The following SGPP2 variants were observed in gnomAD, a reference collection of about 807,000 sequenced individuals.
SGPP2 encodes the protein sphingosine 1-phosphate phosphohydrolase 2.
SGPP2 carries 30 observed loss-of-function variants against 33.9 expected under a neutral mutation model. The observed-to-expected ratio is 0.89, with a 90% CI of 0.66 to 1.20. The LOEUF (loss-of-function observed/expected upper bound fraction) is 1.20, where lower values mean the gene tolerates loss of function less well. Ranked by LOEUF, SGPP2 falls within the 50% of genes most tolerant of loss-of-function variation. The probability of loss-of-function intolerance (pLI) is 0.00; values close to 1 mark genes in which losing one functional copy is unlikely to be tolerated. For missense variants in SGPP2, 458 were observed against 532.1 expected, an observed-to-expected ratio of 0.86 and a Z score of 1.37; for synonymous variants, 233 against 225.0, an observed-to-expected ratio of 1.04 and a Z score of -0.32.
At chr2:222,467,483 A>AG (rs151042357) in intron 1 of SGPP2, among the ~76,000 whole-genome samples, 4,440 of 152,246 alleles carry the variant, frequency 0.029, 211 homozygotes, top group African/African-American at 0.1. Context: ...GCTGAAGCTC[A>AG]GGAGATCAAG....
At chr2:222,424,878 G>A (rs1361962302) in intron 1 of SGPP2, 57 bp downstream of exon 1, 5 of 1,245,674 alleles carry the variant, frequency 4.0e-6, no homozygotes, top group Non-Finnish European at 5.1e-6. Flanking sequence ...GGACGTGCGG[G>A]TCCCTGCGAC....
In SGPP2 at chr2:222,558,386, G is replaced by T. The variant is rs765983230; in HGVS notation, c.688G>T (p.Val230Phe). The change falls in exon 5 of 5, where the codon GTC becomes TTC. Residue 230 changes from valine to phenylalanine, a missense_variant. Transcript: ENST00000321276. ...CGTCCTGATCACCGCACTCCTCATC[G>T]TCCTCACCTACCCTGCCTGGACCTT... is the stretch of plus-strand genomic sequence containing the variant. Reference protein sequence around the residue: ...GGVLITALLIVLTYPAWTFID... With the variant: ...GGVLITALLIFLTYPAWTFID... 17 of 1,614,038 alleles carry T rather than the reference G, an allele frequency of 1.1e-5. No homozygotes were observed. Among genetic ancestry groups the T allele is most frequent in the Non-Finnish European group, 1.4e-5 (17 of 1,180,024 alleles).
Position 222,477,601 on chromosome 2 carries a change from G to T in SGPP2, c.378+2875G>T, listed in dbSNP as rs1008645671. ...TATAGGTGTGTGTATATATATGTGT[G>T]TGTGTGTGTTCTAAATCCCAAAACT... On this transcript the variant is annotated intron_variant, in intron 2 of 4. Transcript: ENST00000321276. This position sits in a 1 kb window ranked among gnomAD's most constrained non-coding sequence, Gnocchi z 6.0. Among the ~76,000 whole-genome samples, 2 of 151,948 alleles carry T rather than the reference G, an allele frequency of 1.3e-5. No homozygotes were observed. Among genetic ancestry groups the T allele is most frequent in the Admixed American group, 1.3e-4 (2 of 15,242 alleles).
At chr2:222,512,355 T>C (rs538519729) in intron 2 of SGPP2, among the ~76,000 whole-genome samples, 1 of 152,132 alleles carries the variant, frequency 6.6e-6, no homozygotes, top group African/African-American at 2.4e-5. Flanking sequence ...CACAGCAAAG[T>C]TGAGTGGAAA....
intron 4 of SGPP2, among the ~76,000 whole-genome samples, chr2:222,533,885 G>T (rs35746313): frequency 0.18 from 26,792 of 151,842 alleles, 2,828 homozygotes; most frequent in East Asian, 0.29. Flanking sequence ...ATAAGTCCGT[G>T]GCTGCATCAA....
At chr2:222,552,075 GTA>G (rs1301390241) in intron 4 of SGPP2, among the ~76,000 whole-genome samples, 5 of 152,170 alleles carry the variant, frequency 3.3e-5, no homozygotes, top group Non-Finnish European at 7.3e-5. Context: ...GTATTCCATT[GTA>G]TATATGCCAC....
At chr2:222,529,537 G>A (rs978943848) in intron 4 of SGPP2, among the ~76,000 whole-genome samples, 8 of 152,126 alleles carry the variant, frequency 5.3e-5, no homozygotes, top group Admixed American at 3.9e-4. Context: ...GTTTCACCAT[G>A]TTGGCCAGGC....
intron 1 of SGPP2, among the ~76,000 whole-genome samples, chr2:222,436,978 T>G (rs1398260113): frequency 6.6e-6 from 1 of 152,176 alleles, no homozygotes; most frequent in Non-Finnish European, 1.5e-5. Context: ...ACTGCCTCCA[T>G]GGCCACTTTG....
chr2:222,512,233 A>C (rs1357480253), intron 2 of SGPP2, among the ~76,000 whole-genome samples: 1 of 151,754 alleles, frequency 6.6e-6, no homozygotes, highest in Non-Finnish European at 1.5e-5. Flanking sequence ...GGATGGTCTC[A>C]ATCTCCTGAC....
chr2:222,461,592 G>A lies in SGPP2; in HGVS notation c.220-12976G>A, dbSNP rs963790890. On this transcript the variant is annotated intron_variant, in intron 1 of 4. Coordinates refer to ENST00000321276, the MANE Select transcript of SGPP2 (RefSeq NM_152386.4). ...GTGGGAGCCCTAAGCTTGTTTTCCT[G>A]CAACTAGATGGTCCCATCTAAGGGT... Among the ~76,000 whole-genome samples, 3 of 151,774 alleles carry A rather than the reference G, an allele frequency of 2.0e-5. No individual in the cohort carries two copies. The East Asian group carries it at 5.8e-4, about 29-fold the overall frequency.
At chr2:222,480,808 C>T (rs1336140355) in intron 2 of SGPP2, among the ~76,000 whole-genome samples, 1 of 152,140 alleles carries the variant, frequency 6.6e-6, no homozygotes, top group Non-Finnish European at 1.5e-5. Flanking sequence ...ATGGTATTTC[C>T]ATGCGTATAT....
intron 2 of SGPP2, among the ~76,000 whole-genome samples, chr2:222,511,449 A>G (rs992886412): frequency 2.0e-5 from 3 of 152,146 alleles, no homozygotes; most frequent in African/African-American, 7.2e-5. Flanking sequence ...TAAGGTGTTA[A>G]TGGTCTGTAA....
chr2:222,435,106 T>C (rs1697220675), intron 1 of SGPP2, among the ~76,000 whole-genome samples: 1 of 149,728 alleles, frequency 6.7e-6, no homozygotes, highest in South Asian at 2.1e-4. Flanking sequence ...GGAGTTTATT[T>C]AGTATTAACT....
At chr2:222,493,427 A>G (rs570366567) in intron 2 of SGPP2, among the ~76,000 whole-genome samples, 3 of 152,298 alleles carry the variant, frequency 2.0e-5, no homozygotes, top group Admixed American at 2.0e-4. Context: ...CCATGATCAA[A>G]TTACTTCCCA....
intron 1 of SGPP2, among the ~76,000 whole-genome samples, chr2:222,469,474 C>T (rs1283906566): frequency 2.6e-5 from 4 of 152,208 alleles, no homozygotes; most frequent in Admixed American, 6.5e-5. Context: ...TGAGCCATCG[C>T]GCCTGGCTGA....
At chr2:222,449,981 CTATATT>C (rs1257459601) in intron 1 of SGPP2, among the ~76,000 whole-genome samples, 2 of 152,108 alleles carry the variant, frequency 1.3e-5, no homozygotes, top group African/African-American at 4.8e-5. Flanking sequence ...TGGAAAACCT[CTATATT>C]TATATTTATG....
At chr2:222,450,117 A>T (rs184826182) in intron 1 of SGPP2, among the ~76,000 whole-genome samples, 190 of 152,348 alleles carry the variant, frequency 1.2e-3, no homozygotes, top group African/African-American at 4.4e-3. Flanking sequence ...TGAAATATAG[A>T]CTGTGTTCTG....
rs1328962735 is a variant in SGPP2 at position 222,447,255 on chromosome 2, CACCCACCTCCCT to C, written c.219+22437_219+22448del. ...TATCCAGAAGATCTTGCCTCTGACC[CACCCACCTCCCT>C]ACTTCTCACTGACAGGACTGAGTGT... On this transcript the variant is annotated intron_variant, in intron 1 of 4. Transcript: ENST00000321276. 2.0e-5 allele frequency among the ~76,000 whole-genome samples: 3 copies of C among 152,284 alleles called. No homozygotes were observed. The East Asian group carries it at 5.8e-4, about 29-fold the overall frequency.
intron 4 of SGPP2, among the ~76,000 whole-genome samples, chr2:222,554,772 T>C (rs1359588560): frequency 2.6e-5 from 4 of 152,186 alleles, no homozygotes; most frequent in Non-Finnish European, 5.9e-5. Context: ...GAGCCTGCTT[T>C]GCAGACAGCA....
Sources: allele counts gnomAD v4.1 joint callset (sites outside exome capture counted in the v4.1 genomes callset), GRCh38; gene constraint gnomAD v4.1.1; non-coding constraint Gnocchi (gnomAD v3.1); transcripts MANE v1.5; gene names NCBI Gene and HGNC (gene_info 2026-07-23, HGNC 2026-07-21).